MLLT1: variants seen among roughly 807,000 people sequenced by gnomAD.
MLLT1 encodes protein ENL.
Under a neutral mutation model 55.1 loss-of-function variants are expected in MLLT1, and 11 were observed. The observed-to-expected ratio is 0.20, with a 90% CI of 0.13 to 0.33. MLLT1 has a LOEUF of 0.33. Among genes scored for constraint, MLLT1 ranks in the 10% least tolerant of loss-of-function variants. The pLI is 1.00. For synonymous variants in MLLT1, 323 were observed against 320.1 expected (o/e 1.01, Z -0.10); for missense variants, 536 against 760.6 (o/e 0.70, Z 3.47).
chr19:6,248,035 C>T (rs1248758929), intron 3 of MLLT1, among the ~76,000 whole-genome samples: 2 of 152,142 alleles, frequency 1.3e-5, no homozygotes, highest in Non-Finnish European at 2.9e-5. Flanking sequence ...GAACTACAGG[C>T]GTGCGCCACC....
rs765119189 is a variant in MLLT1, at chr19:6,222,521, C to T, written c.710G>A (p.Arg237Gln). The change falls in exon 6 of 12, where the codon CGG (arginine) becomes CAG (glutamine). Residue 237 changes from arginine (R) to glutamine (Q), a missense_variant. Arg to Gln is a conservative substitution (Grantham distance 43). Transcript: ENST00000252674. The surrounding 1 kb of genome is among the most constrained non-coding windows in gnomAD (Gnocchi z 4.1). Reference sequence around the variant, plus strand: ...TGGCGCCTTCTCCTCCTTGGGCAGCCGGCCCTCGCCCAGCTTCCGCGAGGT... The same window carrying T: ...TGGCGCCTTCTCCTCCTTGGGCAGCTGGCCCTCGCCCAGCTTCCGCGAGGT... Reference protein sequence around the residue: ...KDTSRKLGEGRLPKEEKAPPP... With the variant: ...KDTSRKLGEGQLPKEEKAPPP... 17 of 1,599,842 alleles carry T rather than the reference C, an allele frequency of 1.1e-5. No individual in the cohort carries two copies. The highest frequency in any genetic ancestry group is 1.3e-5 in the Non-Finnish European group (15 of 1,179,448).
chr19:6,212,353 G>T lies in MLLT1; in HGVS notation c.*689C>A. On this transcript the variant is annotated 3_prime_UTR_variant, in exon 12 of 12. Coordinates refer to ENST00000252674, the MANE Select transcript of MLLT1 (RefSeq NM_005934.4). ...AGGGCCAGCTGCCGTGCCTGGCTCG[G>T]CCTCCAGCCCCACACCACCGCAGAG... The T allele has an allele frequency of 7.3e-6, 7 of 955,808 alleles. No individual in the cohort carries two copies. Among genetic ancestry groups the T allele is most frequent in the Non-Finnish European group, 6.0e-6 (5 of 833,428 alleles). The allele number at this position is 955,808 out of a possible 1,614,324, so 59.2% of individuals were successfully genotyped here. A position where few individuals can be genotyped will look rare whatever the true frequency, so the allele number is the denominator to read the frequency against.
At chr19:6,248,838 T>C (rs991458447) in intron 3 of MLLT1, among the ~76,000 whole-genome samples, 3 of 152,168 alleles carry the variant, frequency 2.0e-5, no homozygotes, top group African/African-American at 7.2e-5. Flanking sequence ...ATGTTAACAT[T>C]AAGGGAGGTT....
chr19:6,220,814 C>T (rs2090890187), intron 6 of MLLT1, among the ~76,000 whole-genome samples: 2 of 152,168 alleles, frequency 1.3e-5, no homozygotes, highest in African/African-American at 2.4e-5. Context: ...GGGTCAGGCT[C>T]GGTGCCCAGC....
In MLLT1 at chr19:6,226,471, G is replaced by T. The variant is rs926397915; in HGVS notation, c.546+506C>A. Among the ~76,000 whole-genome samples the T allele has an allele frequency of 2.0e-5, 3 of 152,304 alleles. No homozygotes were observed. Among genetic ancestry groups the T allele is most frequent in the African/African-American group, 7.2e-5 (3 of 41,562 alleles). Reference sequence around the variant, plus strand: ...GACCGTAAAAAGTTTCTTCCACACTGAAATTCAGCTGGCACCCACCTGGCT... The same window carrying T: ...GACCGTAAAAAGTTTCTTCCACACTTAAATTCAGCTGGCACCCACCTGGCT... On this transcript the variant is annotated intron_variant, in intron 5 of 11. Transcript: ENST00000252674. The surrounding 1 kb of genome is among the most constrained non-coding windows in gnomAD (Gnocchi z 6.3).
intron 3 of MLLT1, among the ~76,000 whole-genome samples, chr19:6,250,842 C>G (rs1428229545): frequency 6.6e-6 from 1 of 152,176 alleles, no homozygotes. Context: ...TGGGAACAGC[C>G]TGCATGGCCG....
intron 2 of MLLT1, among the ~76,000 whole-genome samples, chr19:6,266,176 C>T (rs2091347839): frequency 6.7e-6 from 1 of 149,700 alleles, no homozygotes; most frequent in Non-Finnish European, 1.5e-5. Context: ...ACTTGGGAGG[C>T]TGAGGCAGGA....
intron 3 of MLLT1, among the ~76,000 whole-genome samples, chr19:6,241,207 G>A (rs1295368828): frequency 1.3e-5 from 2 of 152,136 alleles, no homozygotes; most frequent in Non-Finnish European, 2.9e-5. Context: ...TCTCTACCCT[G>A]AACTGAGGCC....
intron 3 of MLLT1, among the ~76,000 whole-genome samples, chr19:6,248,349 G>A (rs1052559643): frequency 2.2e-4 from 33 of 152,312 alleles, no homozygotes; most frequent in African/African-American, 7.7e-4. Flanking sequence ...CGCCCACCAG[G>A]ATGGAGGGGT....
At chr19:6,236,292 G>A (rs1335527423) in intron 3 of MLLT1, among the ~76,000 whole-genome samples, 3 of 152,170 alleles carry the variant, frequency 2.0e-5, no homozygotes, top group Admixed American at 6.5e-5. Flanking sequence ...AGCACTCAGC[G>A]GATACGAATG....
chr19:6,222,459 G>C lies in MLLT1; in HGVS notation c.772C>G (p.Leu258Val), dbSNP rs1038925640. ...GTGCTTTCCAGCTTGGTCTCTTTCA[G>C]GGCCATCTTGGGTTCCTTGAAGGCA... Reference protein sequence around the residue: ...KAAFKEPKMALKETKLESTSP... With the variant: ...KAAFKEPKMAVKETKLESTSP... The change falls in exon 6 of 12, where the codon CTG (leucine) becomes GTG (valine). Residue 258 changes from leucine to valine, a missense_variant. Around this residue, in one of 3 missense-constraint regions of MLLT1, gnomAD observed 449 missense variants for 489.0 expected, o/e 0.92. Transcript: ENST00000252674. The surrounding 1 kb of genome is among the most constrained non-coding windows in gnomAD (Gnocchi z 4.1). 5.1e-6 allele frequency: 8 copies of C among 1,582,116 alleles called. No individual in the cohort carries two copies. Among genetic ancestry groups the C allele is most frequent in the Admixed American group, 1.7e-5 (1 of 58,604 alleles).
intron 3 of MLLT1, among the ~76,000 whole-genome samples, chr19:6,246,100 CAA>C (rs2091165568): frequency 6.9e-6 from 1 of 144,166 alleles, no homozygotes; most frequent in Non-Finnish European, 1.5e-5. Flanking sequence ...AAAAAGAAAA[CAA>C]AGAGAAAAAA....
At chr19:6,277,697 G>A (rs2091434602) in intron 1 of MLLT1, among the ~76,000 whole-genome samples, 1 of 152,158 alleles carries the variant, frequency 6.6e-6, no homozygotes, top group Non-Finnish European at 1.5e-5. Flanking sequence ...AAGGGGAACA[G>A]ACACGCTTCG....
chr19:6,249,461 G>T (rs2091196067), intron 3 of MLLT1, among the ~76,000 whole-genome samples: 1 of 152,134 alleles, frequency 6.6e-6, no homozygotes, highest in Non-Finnish European at 1.5e-5. Flanking sequence ...CAAGTGCACT[G>T]AGGAACCGAT....
At chr19:6,221,292 T>C (rs1472853515) in intron 6 of MLLT1, among the ~76,000 whole-genome samples, 1 of 152,170 alleles carries the variant, frequency 6.6e-6, no homozygotes, top group Non-Finnish European at 1.5e-5. Flanking sequence ...CAGTGTCTGT[T>C]GTCTAAATGC....
intron 2 of MLLT1, among the ~76,000 whole-genome samples, chr19:6,267,488 AAGG>A (rs1197180077): frequency 2.6e-5 from 4 of 152,176 alleles, no homozygotes; most frequent in African/African-American, 9.7e-5. Flanking sequence ...ACAATGCAAA[AAGG>A]AGAAGTAAGG....
intron 5 of MLLT1, among the ~76,000 whole-genome samples, chr19:6,224,432 G>T (rs1375561537): frequency 1.3e-5 from 2 of 152,246 alleles, no homozygotes; most frequent in Non-Finnish European, 2.9e-5. Flanking sequence ...AAGGAGGGAG[G>T]TGTGAGAGAC....
rs1273388157 is a variant in MLLT1 at position 6,231,459 on chromosome 19, G to A, written c.277-746C>T. Among the ~76,000 whole-genome samples, 1 of 152,166 alleles carries A rather than the reference G, an allele frequency of 6.6e-6. No homozygotes were observed. Among genetic ancestry groups the A allele is most frequent in the African/African-American group, 2.4e-5 (1 of 41,436 alleles). On this transcript the variant is annotated intron_variant, in intron 3 of 11. Transcript: ENST00000252674. The surrounding 1 kb of genome is among the most constrained non-coding windows in gnomAD (Gnocchi z 5.1). ...AGCTGTCTGCACGGGCTCCTGTGGA[G>A]GCCTAGCCACATGTGCAGGGGCTGT...
At position 6,261,783 on chromosome 19, in the gene MLLT1, G is replaced by T. The variant is rs2091308208; in HGVS notation, c.276+445C>A. 5.3e-5 allele frequency among the ~76,000 whole-genome samples: 8 copies of T among 152,156 alleles called. No homozygotes were observed. In the South Asian group the frequency reaches 1.7e-3, roughly 32 times the overall value. The stretch of plus-strand genomic sequence containing the variant: ...CCTTCAAGTATTATATATGTAGCTT[G>T]CTTCGTTAATTCTGAAGGTCATCAA... On this transcript the variant is annotated intron_variant, in intron 3 of 11. Coordinates refer to ENST00000252674, the MANE Select transcript of MLLT1 (RefSeq NM_005934.4).
Sources: allele counts gnomAD v4.1 joint callset (sites outside exome capture counted in the v4.1 genomes callset), GRCh38; gene constraint gnomAD v4.1.1; regional missense constraint gnomAD v4.1.1; non-coding constraint Gnocchi (gnomAD v3.1); transcripts MANE v1.5; gene names NCBI Gene and HGNC (gene_info 2026-07-23, HGNC 2026-07-21).